The following PDZD2 variants were observed in gnomAD, a reference collection of about 807,000 sequenced individuals.
PDZD2 encodes the protein PDZ domain-containing protein 2.
In PDZD2, 90 loss-of-function variants were observed where a neutral mutation model predicts 220.7. The observed-to-expected ratio is 0.41, with a 90% CI of 0.34 to 0.49. The LOEUF (loss-of-function observed/expected upper bound fraction) is 0.49. Among genes scored for constraint, PDZD2 ranks in the 20% least tolerant of loss-of-function variants. The probability of loss-of-function intolerance (pLI) is 0.28; values close to 1 mark genes in which losing one functional copy is unlikely to be tolerated. For missense variants in PDZD2, 3,174 were observed against 3,608.5 expected (o/e 0.88, Z 3.08); for synonymous variants, 1,375 against 1,450.5 (o/e 0.95, Z 1.18).
rs11350706 is a variant in PDZD2 at position 31,830,168 on chromosome 5, CTT to C, written c.476+30458_476+30459del. ...TCCCTTAATACATTTAATCCAATGG[CTT>C]TTTTTTTTTTTTTGAGACGAAGTTT... On this transcript the variant is annotated intron_variant, in intron 2 of 24. Coordinates refer to ENST00000438447, the MANE Select transcript of PDZD2 (RefSeq NM_178140.4). 3.4e-3 allele frequency among the ~76,000 whole-genome samples: 458 copies of C among 135,008 alleles called. 5 individuals carry two copies. The highest frequency in any genetic ancestry group is 4.1e-3 in the Non-Finnish European group (257 of 62,772). 88.6% of individuals were successfully genotyped at this position (135,008 alleles called of 152,430 possible).
At position 31,983,733 on chromosome 5, in the gene PDZD2, C is replaced by T. The variant is rs969719597; in HGVS notation, c.978+77C>T. On this transcript the variant is annotated intron_variant, in intron 3 of 24. Coordinates refer to ENST00000438447, the MANE Select transcript of PDZD2 (RefSeq NM_178140.4). Reference sequence around the variant, plus strand: ...GTTTGTTTTTGCAGCCCAGCCCATGCGGGAAATACAAGCTGGGCTCAGAAC... The same window carrying T: ...GTTTGTTTTTGCAGCCCAGCCCATGTGGGAAATACAAGCTGGGCTCAGAAC... 32 of 1,394,210 alleles carry T rather than the reference C, an allele frequency of 2.3e-5. 1 individual carries two copies. The highest frequency in any genetic ancestry group is 1.3e-4 in the African/African-American group (9 of 69,676). The allele number at this position is 1,394,210 out of a possible 1,614,324, so 86.4% of individuals were successfully genotyped here.
intron 2 of PDZD2, among the ~76,000 whole-genome samples, chr5:31,840,185 C>T (rs1038529333): frequency 1.3e-5 from 2 of 151,456 alleles, no homozygotes; most frequent in African/African-American, 2.4e-5. Context: ...TGCGGTGAGC[C>T]GTGATCATGC....
chr5:32,039,548 C>T (rs1370588448), intron 7 of PDZD2, among the ~76,000 whole-genome samples: 8 of 152,108 alleles, frequency 5.3e-5, no homozygotes, highest in Non-Finnish European at 7.4e-5. Context: ...AAGTGAGCAG[C>T]GTCTCTGCCT....
chr5:31,995,762 C>G, intron 4 of PDZD2, 44 bp downstream of exon 4: 1 of 1,540,526 alleles, frequency 6.5e-7, no homozygotes, highest in Non-Finnish European at 8.9e-7. Context: ...TCTGCCTCCT[C>G]TCCTTCCCTC....
intron 2 of PDZD2, among the ~76,000 whole-genome samples, chr5:31,976,721 T>C (rs113993163): frequency 1.9e-4 from 25 of 134,542 alleles, no homozygotes; most frequent in African/African-American, 6.4e-4. Context: ...TTTCTTTTTT[T>C]TTTTTTTTTT....
At chr5:31,862,387 A>G (rs890473940) in intron 2 of PDZD2, among the ~76,000 whole-genome samples, 1 of 151,954 alleles carries the variant, frequency 6.6e-6, no homozygotes, top group Non-Finnish European at 1.5e-5. Flanking sequence ...TACAGGCATG[A>G]GCCACCATGC....
At chr5:31,704,628 A>G (rs918248390) in intron 1 of PDZD2, among the ~76,000 whole-genome samples, 1 of 152,184 alleles carries the variant, frequency 6.6e-6, no homozygotes, top group South Asian at 2.1e-4. Flanking sequence ...TTTGCTCTGA[A>G]TTACATGAAA....
intron 1 of PDZD2, among the ~76,000 whole-genome samples, chr5:31,707,066 C>T (rs1747859055): frequency 6.8e-6 from 1 of 147,230 alleles, no homozygotes. Flanking sequence ...AGAAAGCAAA[C>T]ACCACATGTT....
intron 6 of PDZD2, among the ~76,000 whole-genome samples, chr5:32,022,758 G>A (rs1754324939): frequency 6.6e-6 from 1 of 152,142 alleles, no homozygotes; most frequent in African/African-American, 2.4e-5. Flanking sequence ...AATCCACAAA[G>A]TCTATTGAGC....
chr5:31,835,877 G>T (rs566192623), intron 2 of PDZD2, among the ~76,000 whole-genome samples: 1 of 152,230 alleles, frequency 6.6e-6, no homozygotes, highest in African/African-American at 2.4e-5. Context: ...CGTTCCTTCT[G>T]AAAATGCACG....
chr5:32,066,931 T>G (rs1740264962), intron 14 of PDZD2, among the ~76,000 whole-genome samples: 1 of 152,244 alleles, frequency 6.6e-6, no homozygotes, highest in Non-Finnish European at 1.5e-5. Context: ...GTCCGGCATT[T>G]GGTTAAATGC....
At chr5:31,691,337 G>A (rs1747115804) in intron 1 of PDZD2, among the ~76,000 whole-genome samples, 1 of 152,136 alleles carries the variant, frequency 6.6e-6, no homozygotes, top group Non-Finnish European at 1.5e-5. Context: ...AGCTCATAAA[G>A]GCAGTGTGGA....
At position 31,936,153 on chromosome 5, in the gene PDZD2, C is replaced by G. The variant is rs564416537; in HGVS notation, c.477-47002C>G. Reference sequence around the variant, plus strand: ...AGAGAGAATCTGCTCCTCAGCTCCACAGAGCATGGGGAGCTGGCAGGAAGT... The same window carrying G: ...AGAGAGAATCTGCTCCTCAGCTCCAGAGAGCATGGGGAGCTGGCAGGAAGT... On this transcript the variant is annotated intron_variant, in intron 2 of 24. Transcript: ENST00000438447. 1.1e-4 allele frequency: 104 copies of G among 987,056 alleles called. No homozygotes were observed. The African/African-American group carries it at 1.7e-3, about 17-fold the overall frequency. 61.1% of individuals were successfully genotyped at this position (987,056 alleles called of 1,614,324 possible).
At chr5:31,963,547 T>C (rs1243882708) in intron 2 of PDZD2, among the ~76,000 whole-genome samples, 1 of 152,140 alleles carries the variant, frequency 6.6e-6, no homozygotes, top group Admixed American at 6.6e-5. Flanking sequence ...TTTTACAGAA[T>C]ATTCAGGGGT....
intron 1 of PDZD2, among the ~76,000 whole-genome samples, chr5:31,789,050 T>G (rs1269785604): frequency 1.3e-5 from 2 of 152,210 alleles, no homozygotes; most frequent in Non-Finnish European, 2.9e-5. Context: ...TAACAGAATA[T>G]CTAATTAACA....
chr5:31,961,891 C>T (rs966541350), intron 2 of PDZD2, among the ~76,000 whole-genome samples: 2 of 151,422 alleles, frequency 1.3e-5, no homozygotes, highest in African/African-American at 4.8e-5. Flanking sequence ...TCTGGGATTA[C>T]AGGCAGGAAC....
At chr5:31,963,831 T>A (rs1478775701) in intron 2 of PDZD2, among the ~76,000 whole-genome samples, 7 of 152,110 alleles carry the variant, frequency 4.6e-5, no homozygotes, top group Non-Finnish European at 8.8e-5. Flanking sequence ...TTAGGGTCTA[T>A]ACTAGCTCAA....
intron 3 of PDZD2, among the ~76,000 whole-genome samples, chr5:31,995,045 A>G (rs933105108): frequency 1.3e-5 from 2 of 152,098 alleles, no homozygotes; most frequent in African/African-American, 4.8e-5. Flanking sequence ...TGGCACCAAG[A>G]CCTGAGCTTT....
intron 1 of PDZD2, among the ~76,000 whole-genome samples, chr5:31,652,730 G>T (rs559505844): frequency 6.6e-6 from 1 of 152,292 alleles, no homozygotes; most frequent in South Asian, 2.1e-4. Context: ...GAACATAGTG[G>T]CCAGGCGCAG....
Sources: allele counts gnomAD v4.1 joint callset (sites outside exome capture counted in the v4.1 genomes callset), GRCh38; gene constraint gnomAD v4.1.1; transcripts MANE v1.5; gene names NCBI Gene and HGNC (gene_info 2026-07-23, HGNC 2026-07-21).